ADGRD1: variants seen among roughly 807,000 people sequenced by gnomAD.
The protein encoded by ADGRD1 is adhesion G protein-coupled receptor D1, also known as G-protein coupled receptor 133.
In ADGRD1, 77 loss-of-function variants were observed where a neutral mutation model predicts 113.4. That is an observed-to-expected ratio of 0.68 (90% CI 0.57 to 0.82). The LOEUF (loss-of-function observed/expected upper bound fraction) is 0.82. Ranked by LOEUF, ADGRD1 falls within the 40% of genes least tolerant of loss-of-function variation. The pLI is 0.00. For missense variants in ADGRD1, 1,036 were observed against 1,139.1 expected (o/e 0.91, Z 1.30); for synonymous variants, 474 against 475.0 (o/e 1.00, Z 0.03).
chr12:131,078,543 T>C (rs1244266315), intron 14 of ADGRD1, among the ~76,000 whole-genome samples: 1 of 152,228 alleles, frequency 6.6e-6, no homozygotes. Flanking sequence ...AGAAAAAAAT[T>C]ATGACTAGAA....
chr12:130,987,154 G>C lies in ADGRD1; in HGVS notation c.550G>C (p.Val184Leu), dbSNP rs61732860. ...WKSKEGLKVY[V>L]NGTLSTSDPS... ...ATCCAAGGAGGGCCTGAAAGTCTACGTCAACGGGACCCTGAGCACCTCTGA... is the reference window on the plus strand; with the variant it reads ...ATCCAAGGAGGGCCTGAAAGTCTACCTCAACGGGACCCTGAGCACCTCTGA... Residue 184 changes from valine to leucine, a missense_variant, in exon 6 of 25, where the codon GTC (valine) becomes CTC (leucine). Coordinates refer to ENST00000261654, the MANE Select transcript of ADGRD1 (RefSeq NM_198827.5). The C allele has an allele frequency of 6.2e-7, 1 of 1,614,024 alleles. No individual in the cohort carries two copies. Among genetic ancestry groups the C allele is most frequent in the Admixed American group, 1.7e-5 (1 of 60,024 alleles).
chr12:131,046,653 C>T (rs2137018881), intron 13 of ADGRD1, among the ~76,000 whole-genome samples: 1 of 134,686 alleles, frequency 7.4e-6, no homozygotes, highest in East Asian at 2.4e-4. Flanking sequence ...GTGCTCCCTC[C>T]CTGGTCAGTG....
intron 3 of ADGRD1, chr12:130,968,967 T>A: frequency 6.6e-7 from 1 of 1,505,440 alleles, no homozygotes; most frequent in Middle Eastern, 1.7e-4. Flanking sequence ...CTTTTTGTTG[T>A]TTCACCCAGC....
chr12:130,961,036 G>T (rs180737714), intron 2 of ADGRD1, among the ~76,000 whole-genome samples: 73 of 152,294 alleles, frequency 4.8e-4, no homozygotes, highest in Non-Finnish European at 8.1e-4. Context: ...AAGCCAGCCC[G>T]ACCATCGGCA....
At chr12:130,959,410 A>G (rs1870089037) in intron 2 of ADGRD1, among the ~76,000 whole-genome samples, 1 of 152,116 alleles carries the variant, frequency 6.6e-6, no homozygotes, top group South Asian at 2.1e-4. Flanking sequence ...CACCTTTATA[A>G]AAAATAAACA....
chr12:131,065,719 G>A (rs1024289619), intron 13 of ADGRD1, among the ~76,000 whole-genome samples: 6 of 152,186 alleles, frequency 3.9e-5, no homozygotes, highest in South Asian at 2.1e-4. Context: ...GTGATTCCTC[G>A]GTTGTTAGTT....
intron 20 of ADGRD1, among the ~76,000 whole-genome samples, chr12:131,122,780 T>C (rs1164702064): frequency 2.0e-5 from 3 of 152,224 alleles, no homozygotes; most frequent in Non-Finnish European, 1.5e-5. Context: ...CTGGCTTTCA[T>C]GTCTGACCGT....
intron 8 of ADGRD1, among the ~76,000 whole-genome samples, chr12:130,994,579 C>T (rs1207207919): frequency 6.6e-6 from 1 of 152,190 alleles, no homozygotes; most frequent in Non-Finnish European, 1.5e-5. Flanking sequence ...TTAGCAGGCT[C>T]CCTCTGTGTT....
chr12:131,029,807 TCTTAA>T (rs1880431492), intron 13 of ADGRD1, among the ~76,000 whole-genome samples: 1 of 147,372 alleles, frequency 6.8e-6, no homozygotes, highest in South Asian at 2.2e-4. Context: ...TGTGGACCCC[TCTTAA>T]CGGTGACATT....
intron 13 of ADGRD1, among the ~76,000 whole-genome samples, chr12:131,067,392 G>T (rs1026727473): frequency 6.6e-6 from 1 of 152,244 alleles, no homozygotes; most frequent in Non-Finnish European, 1.5e-5. Context: ...ATACTGGTCA[G>T]GCGTCATCAG....
At chr12:131,051,026 A>G (rs1015733272) in intron 13 of ADGRD1, among the ~76,000 whole-genome samples, 4 of 152,150 alleles carry the variant, frequency 2.6e-5, no homozygotes, top group African/African-American at 4.8e-5. Context: ...GTGTTAAACC[A>G]TTCATGAGAA....
Position 130,991,054 on chromosome 12 carries a change from C to T in ADGRD1, c.786C>T (p.Phe262=), listed in dbSNP as rs1874314144. The T allele has an allele frequency of 2.5e-6, 4 of 1,614,108 alleles. No individual in the cohort carries two copies. The highest frequency in any genetic ancestry group is 3.4e-6 in the Non-Finnish European group (4 of 1,179,944). The change falls in exon 7 of 25, where the codon TTC becomes TTT. Residue 262 remains phenylalanine, a synonymous_variant. Coordinates refer to ENST00000261654, the MANE Select transcript of ADGRD1 (RefSeq NM_198827.5). The part of the protein sequence containing the change: ...ALLSSTLPSL[F]MTSTASPVMP... ...TGTCTTCAACGCTGCCAAGCCTCTT[C>T]ATGACATCCACAGCAAGCCCCGTGG... is the stretch of plus-strand genomic sequence containing the variant.
At position 131,099,056 on chromosome 12, in the gene ADGRD1, A is replaced by G. The variant is rs188857331; in HGVS notation, c.1672-5775A>G. On this transcript the variant is annotated intron_variant, in intron 15 of 24. Transcript: ENST00000261654. ...AGGTGCCTCGTTTCTGTCATTTCCAACCACTCTTCTGTGATTCTCCATGAT... is the reference window on the plus strand; with the variant it reads ...AGGTGCCTCGTTTCTGTCATTTCCAGCCACTCTTCTGTGATTCTCCATGAT... 5.9e-5 allele frequency among the ~76,000 whole-genome samples: 9 copies of G among 152,254 alleles called. No homozygotes were observed. The South Asian group carries it at 1.2e-3, about 21-fold the overall frequency.
intron 2 of ADGRD1, among the ~76,000 whole-genome samples, chr12:130,961,594 G>A (rs1268075191): frequency 6.6e-6 from 1 of 152,170 alleles, no homozygotes; most frequent in Non-Finnish European, 1.5e-5. Context: ...AATCAAGGTG[G>A]TTGCAGAGTT....
Position 131,089,312 on chromosome 12 carries a change from G to A in ADGRD1, c.1671+4649G>A, listed in dbSNP as rs1886738089. Among the ~76,000 whole-genome samples the A allele has an allele frequency of 1.3e-5, 2 of 152,328 alleles. 1 individual carries two copies. Among genetic ancestry groups the A allele is most frequent in the South Asian group, 4.1e-4 (2 of 4,830 alleles). On this transcript the variant is annotated intron_variant, in intron 15 of 24. Coordinates refer to ENST00000261654, the MANE Select transcript of ADGRD1 (RefSeq NM_198827.5). ...GAGCCCGAACCAAGGGCCAGTGGGC[G>A]GGGCTTCTGGACACAGGCATTGCCT...
chr12:130,998,656 G>T (rs982782673), intron 8 of ADGRD1, among the ~76,000 whole-genome samples: 1 of 151,932 alleles, frequency 6.6e-6, no homozygotes, highest in African/African-American at 2.4e-5. Flanking sequence ...GTAGAGATGG[G>T]GTCTCACTAT....
intron 16 of ADGRD1, among the ~76,000 whole-genome samples, 175 bp from the exon 17 acceptor site, chr12:131,105,579 G>T (rs553742509): frequency 6.6e-6 from 1 of 152,268 alleles, no homozygotes; most frequent in South Asian, 2.1e-4. Flanking sequence ...GGAAGGAGCT[G>T]GGGTCAGATC....
At chr12:131,090,921 GA>G (rs1229401964) in intron 15 of ADGRD1, among the ~76,000 whole-genome samples, 1 of 152,228 alleles carries the variant, frequency 6.6e-6, no homozygotes, top group Non-Finnish European at 1.5e-5. Flanking sequence ...CCAGGGTCAA[GA>G]ATGGGTAGCT....
chr12:131,034,099 G>A (rs968831401), intron 13 of ADGRD1, among the ~76,000 whole-genome samples: 5 of 152,182 alleles, frequency 3.3e-5, no homozygotes, highest in African/African-American at 9.7e-5. Context: ...AATATTCGAC[G>A]TGGCCGTCAG....
Sources: gnomAD v4.1 joint callset for allele counts (sites outside exome capture counted in the v4.1 genomes callset) on GRCh38, gnomAD v4.1.1 for gene constraint, MANE v1.5 for transcripts, NCBI Gene and HGNC (gene_info 2026-07-23, HGNC 2026-07-21) for gene names.